The following BMPR2 variants were observed in gnomAD, a reference collection of about 807,000 sequenced individuals.
BMPR2 encodes the protein bone morphogenetic protein receptor type 2, also known as bone morphogenetic protein receptor type-2.
In BMPR2, 29 loss-of-function variants were observed where a neutral mutation model predicts 100.8. The ratio of observed to expected loss-of-function variants is 0.29; its 90% CI spans 0.21 to 0.39. The LOEUF (loss-of-function observed/expected upper bound fraction) is 0.39, where lower values mean the gene tolerates loss of function less well. BMPR2 is among the 10% of genes least tolerant of loss of function. The probability of loss-of-function intolerance (pLI) is 1.00; values close to 1 mark genes in which losing one functional copy is unlikely to be tolerated. For synonymous variants in BMPR2, 382 were observed against 442.3 expected (o/e 0.86, Z 1.71); for missense variants, 1,011 against 1,274.5 (o/e 0.79, Z 3.15).
chr2:202,397,657 C>T (rs1157664511), intron 1 of BMPR2, among the ~76,000 whole-genome samples: 2 of 151,340 alleles, frequency 1.3e-5, no homozygotes, highest in African/African-American at 4.8e-5. Context: ...TGCCACCACG[C>T]CCACCTAATT....
At chr2:202,443,186 C>T (rs760684387) in intron 1 of BMPR2, among the ~76,000 whole-genome samples, 2 of 150,674 alleles carry the variant, frequency 1.3e-5, no homozygotes, top group African/African-American at 2.5e-5. Flanking sequence ...TCTTGGACTG[C>T]TCAGATAGGT....
At chr2:202,519,820 T>G (rs1027710024) in intron 6 of BMPR2, among the ~76,000 whole-genome samples, 14 of 152,214 alleles carry the variant, frequency 9.2e-5, no homozygotes, top group Non-Finnish European at 1.8e-4. Flanking sequence ...CAAAGAATTG[T>G]TTAAAAGGAA....
chr2:202,517,335 CTT>C (rs527237940), intron 5 of BMPR2, among the ~76,000 whole-genome samples: 25 of 135,288 alleles, frequency 1.8e-4, no homozygotes, highest in Admixed American at 3.0e-4. Context: ...GTTATTTTAT[CTT>C]TTTTTTTTTT....
Position 202,555,858 on chromosome 2 carries a change from A to G in BMPR2, c.2193A>G (p.Ala731=), listed in dbSNP as rs1688558771. 1.2e-6 allele frequency: 2 copies of G among 1,614,178 alleles called. No homozygotes were observed. Among genetic ancestry groups the G allele is most frequent in the Non-Finnish European group, 1.7e-6 (2 of 1,180,028 alleles). ...QDFTQTANGQ[A]CLIPDVLPTQ... ...TCACACAGACTGCAAATGGCCAAGCATGTTTGATTCCTGATGTTCTGCCTA... is the reference window on the plus strand; with the variant it reads ...TCACACAGACTGCAAATGGCCAAGCGTGTTTGATTCCTGATGTTCTGCCTA... Residue 731 remains alanine, a synonymous_variant, in exon 12 of 13, where the codon GCA becomes GCG. Transcript: ENST00000374580.
intron 10 of BMPR2, among the ~76,000 whole-genome samples, chr2:202,546,902 GGTGTTTTGTT>G (rs1338425143): frequency 3.0e-5 from 4 of 133,002 alleles, no homozygotes; most frequent in South Asian, 2.9e-4. Context: ...GTGCCCAGCC[GGTGTTTTGTT>G]TTGTTTTGTT....
chr2:202,456,063 CAAAAAAAAAAAAAAAAA>C lies in BMPR2; in HGVS notation c.77-8723_77-8707del, dbSNP rs750470872. Among the ~76,000 whole-genome samples the C allele has an allele frequency of 0.021, 784 of 36,686 alleles. 45 individuals carry two copies. The East Asian group carries it at 0.33, about 15-fold the overall frequency. 24.1% of individuals were successfully genotyped at this position (36,686 alleles called of 152,430 possible). A position where few individuals can be genotyped will look rare whatever the true frequency, so the allele number is the denominator to read the frequency against. On this transcript the variant is annotated intron_variant, in intron 1 of 12. Transcript: ENST00000374580. ...CTGGGCAACAGGGTGAGACCCGTCT[CAAAAAAAAAAAAAAAAA>C]AAAAAAAAAAAAAAAAAAAAAAGTT...
chr2:202,529,049 A>G (rs1006715755), intron 7 of BMPR2, among the ~76,000 whole-genome samples: 5 of 152,246 alleles, frequency 3.3e-5, no homozygotes, highest in Non-Finnish European at 7.3e-5. Flanking sequence ...AATTTTTTCC[A>G]TATTATAATA....
intron 1 of BMPR2, among the ~76,000 whole-genome samples, chr2:202,464,603 T>G (rs1251806325): frequency 1.3e-5 from 2 of 152,176 alleles, no homozygotes; most frequent in Non-Finnish European, 2.9e-5. Context: ...AATGAGAATT[T>G]TAAAATTTCC....
At position 202,551,862 on chromosome 2, in the gene BMPR2, ATTTTTTTT is replaced by A. The variant is rs35621004; in HGVS notation, c.1414-842_1414-835del. ...CAGATGCATACCACCATGCTGGCTA[ATTTTTTTT>A]TTTTTTTTTTTGAGACAGAGTCTCA... On this transcript the variant is annotated intron_variant, in intron 10 of 12. Coordinates refer to ENST00000374580, the MANE Select transcript of BMPR2 (RefSeq NM_001204.7). Among the ~76,000 whole-genome samples the A allele has an allele frequency of 5.1e-4, 67 of 130,384 alleles. 3 individuals carry two copies. The highest frequency in any genetic ancestry group is 7.8e-5 in the Admixed American group (1 of 12,770). 85.5% of individuals were successfully genotyped at this position (130,384 alleles called of 152,430 possible).
rs899179873 is a variant in BMPR2 at position 202,407,840 on chromosome 2, C to CT, written c.76+30300dup. On this transcript the variant is annotated intron_variant, in intron 1 of 12. Transcript: ENST00000374580. Reference sequence around the variant, plus strand: ...CAGGATTTCTTTTTCTTTTTCTTTTCTTTTTTTTTTGGAGACGGAGTCTCG... The same window carrying CT: ...CAGGATTTCTTTTTCTTTTTCTTTTCTTTTTTTTTTTGGAGACGGAGTCTCG... Among the ~76,000 whole-genome samples the CT allele has an allele frequency of 3.3e-3, 486 of 147,048 alleles. 1 individual carries two copies. The highest frequency in any genetic ancestry group is 7.4e-3 in the African/African-American group (298 of 40,398).
chr2:202,402,905 A>T (rs1021324607), intron 1 of BMPR2, among the ~76,000 whole-genome samples: 53 of 151,090 alleles, frequency 3.5e-4, no homozygotes, highest in African/African-American at 1.3e-3. Context: ...CTCAGCTCAC[A>T]GCAAATTCCG....
At position 202,556,234 on chromosome 2, in the gene BMPR2, C is replaced by T. The variant is rs752082415; in HGVS notation, c.2569C>T (p.Arg857Trp). 15 of 1,613,160 alleles carry T rather than the reference C, an allele frequency of 9.3e-6. No individual in the cohort carries two copies. Among genetic ancestry groups the T allele is most frequent in the Middle Eastern group, 3.3e-4 (2 of 6,084 alleles). Residue 857 changes from arginine to tryptophan, a missense_variant, in exon 12 of 13, where the codon CGG becomes TGG. By Grantham distance (101) the Arg-to-Trp change is moderately radical. Around this residue, in one of 6 missense-constraint regions of BMPR2, gnomAD observed 508 missense variants for 552.0 expected, o/e 0.92. Coordinates refer to ENST00000374580, the MANE Select transcript of BMPR2 (RefSeq NM_001204.7). Reference protein sequence around the residue: ...LQNQFIGEDTRLNINSSPDEH... With the variant: ...LQNQFIGEDTWLNINSSPDEH... ...GAATCAGTTTATTGGTGAGGACACCCGGCTGAATATTAATTCCAGTCCTGA... is the reference window on the plus strand; with the variant it reads ...GAATCAGTTTATTGGTGAGGACACCTGGCTGAATATTAATTCCAGTCCTGA...
rs1216592236 is a variant in BMPR2, at chr2:202,382,058, G to GTTTTTTT, written c.76+4521_76+4527dup. On this transcript the variant is annotated intron_variant, in intron 1 of 12. Coordinates refer to ENST00000374580, the MANE Select transcript of BMPR2 (RefSeq NM_001204.7). ...CTGCTGGATATCAGTTTTTGTTTTT[G>GTTTTTTT]TTTTTTTTTTTTTTTTTTTGAGATG... Among the ~76,000 whole-genome samples, 406 of 113,548 alleles carry GTTTTTTT rather than the reference G, an allele frequency of 3.6e-3. 1 individual carries two copies. Among genetic ancestry groups the GTTTTTTT allele is most frequent in the Middle Eastern group, 5.4e-3 (1 of 184 alleles). 74.5% of individuals were successfully genotyped at this position (113,548 alleles called of 152,430 possible).
intron 1 of BMPR2, among the ~76,000 whole-genome samples, chr2:202,416,056 A>G (rs1381980668): frequency 6.6e-6 from 1 of 152,330 alleles, no homozygotes; most frequent in South Asian, 2.1e-4. Flanking sequence ...TCAGTGATTC[A>G]TGGGAGGAGG....
chr2:202,432,509 A>G (rs1016785826), intron 1 of BMPR2, among the ~76,000 whole-genome samples: 6 of 150,472 alleles, frequency 4.0e-5, no homozygotes, highest in Non-Finnish European at 8.8e-5. Context: ...ACGTCTTACC[A>G]TATGTGGGAC....
In BMPR2 at chr2:202,560,124, T is replaced by C; in HGVS notation, c.*178T>C. On this transcript the variant is annotated 3_prime_UTR_variant, in exon 13 of 13. Coordinates refer to ENST00000374580, the MANE Select transcript of BMPR2 (RefSeq NM_001204.7). ...CAGAAAAATTTAGCTTATGCTTCCA[T>C]ATTTTTAAATTTTGTTTTTTAAGTT... 1 of 790,394 alleles carries C rather than the reference T, an allele frequency of 1.3e-6. No homozygotes were observed. Among genetic ancestry groups the C allele is most frequent in the Non-Finnish European group, 1.9e-6 (1 of 513,930 alleles). 49.0% of individuals were successfully genotyped at this position (790,394 alleles called of 1,614,324 possible).
chr2:202,487,502 A>G (rs1016697896), intron 3 of BMPR2, among the ~76,000 whole-genome samples: 20 of 152,378 alleles, frequency 1.3e-4, no homozygotes, highest in South Asian at 2.1e-4. Flanking sequence ...TCAATAAGAT[A>G]AAAACGTAGA....
intron 3 of BMPR2, among the ~76,000 whole-genome samples, chr2:202,507,946 C>T (rs1281330043): frequency 2.0e-5 from 3 of 151,306 alleles, no homozygotes; most frequent in Non-Finnish European, 4.4e-5. Flanking sequence ...GTGATCCACC[C>T]GCCTCAGCCT....
At chr2:202,516,590 A>G (rs76233701) in intron 5 of BMPR2, among the ~76,000 whole-genome samples, 7,521 of 152,206 alleles carry the variant, frequency 0.049, 621 homozygotes, top group African/African-American at 0.17. Flanking sequence ...AGGTTGAAGG[A>G]TCACTTGAGC....
Sources: allele counts gnomAD v4.1 joint callset (sites outside exome capture counted in the v4.1 genomes callset), GRCh38; gene constraint gnomAD v4.1.1; regional missense constraint gnomAD v4.1.1; transcripts MANE v1.5; gene names NCBI Gene and HGNC (gene_info 2026-07-23, HGNC 2026-07-21).